The following MTIF2 variants were observed in gnomAD, a reference collection of about 807,000 sequenced individuals.
MTIF2 encodes translation initiation factor IF-2, mitochondrial.
In MTIF2, 71 loss-of-function variants were observed where a neutral mutation model predicts 83.5. The observed-to-expected ratio is 0.85, with a 90% CI of 0.70 to 1.04. The LOEUF is 1.04. Ranked by LOEUF, MTIF2 falls within the 50% of genes least tolerant of loss-of-function variation. The pLI is 0.00. For missense variants in MTIF2, 957 were observed against 846.5 expected, an observed-to-expected ratio of 1.13 and a Z score of -1.62; for synonymous variants, 319 against 287.1, an observed-to-expected ratio of 1.11 and a Z score of -1.12.
intron 7 of MTIF2, among the ~76,000 whole-genome samples, chr2:55,253,597 A>T (rs549177581): frequency 1.3e-5 from 2 of 152,080 alleles, no homozygotes; most frequent in South Asian, 4.2e-4. Context: ...CAGGCGGACC[A>T]CAAGGTCAGG....
chr2:55,244,023 A>G lies in MTIF2; in HGVS notation c.1311+6T>C, dbSNP rs1676515652. 8 of 1,610,782 alleles carry G rather than the reference A, an allele frequency of 5.0e-6. No individual in the cohort carries two copies. Among genetic ancestry groups the G allele is most frequent in the Non-Finnish European group, 6.8e-6 (8 of 1,177,510 alleles). ...ATCTAATATATAGGAATTAAGCTTG[A>G]TACACCTCAGATTCTACTTCAAGAA... On this transcript the variant is annotated splice_donor_region_variant and intron_variant, in intron 11 of 15. Transcript: ENST00000263629.
Position 55,254,055 on chromosome 2 carries a change from A to C in MTIF2, c.650T>G (p.Ile217Ser). 6.2e-7 allele frequency: 1 copy of C among 1,614,112 alleles called. No individual in the cohort carries two copies. The highest frequency in any genetic ancestry group is 2.2e-5 in the East Asian group (1 of 44,886). Residue 217 changes from isoleucine to serine, a missense_variant, in exon 7 of 16, where the codon ATT becomes AGT. Ile to Ser is a moderately radical substitution (Grantham distance 142, BLOSUM62 -2). Transcript: ENST00000263629. ...TGTGTTCATACCAAGAAAGGCACCA[A>C]TGTGCTGAGTGATGCCTCCAGTTTC... ...AVETGGITQH[I>S]GAFLVSLPSG...
intron 2 of MTIF2, among the ~76,000 whole-genome samples, 189 bp downstream of exon 2, chr2:55,268,389 A>T (rs561679665): frequency 3.3e-5 from 5 of 152,284 alleles, no homozygotes; most frequent in Non-Finnish European, 7.4e-5. Flanking sequence ...GTAACACAGG[A>T]TTCCTTGAGA....
At chr2:55,266,372 A>C (rs901661176) in intron 3 of MTIF2, 1 of 151,818 alleles carries the variant, frequency 6.6e-6, no homozygotes, top group African/African-American at 2.4e-5. Flanking sequence ...AAAAATACAA[A>C]AAAATTACCT....
chr2:55,268,969 T>C (rs1283630155), intron 1 of MTIF2, 200 bp downstream of exon 1: 1 of 152,362 alleles, frequency 6.6e-6, no homozygotes, highest in South Asian at 2.1e-4. Context: ...GGCCAGCCGC[T>C]TCCGAGAGAA....
Position 55,237,424 on chromosome 2 carries a change from CTCACCTTTAGGAAGAAG to C in MTIF2, c.1871-13_1874del. ...CAGAGAAGGTAGCTAGTATAGATGCCTCACCTTTAGGAAGAAGAGAACATTAATGTGCAGAAAACTAA... is the reference window on the plus strand; with the variant it reads ...CAGAGAAGGTAGCTAGTATAGATGCCAGAACATTAATGTGCAGAAAACTAA... On this transcript the variant is annotated splice_acceptor_variant and splice_polypyrimidine_tract_variant and coding_sequence_variant and intron_variant, in exon 15 of 16. Coordinates refer to ENST00000263629, the MANE Select transcript of MTIF2 (RefSeq NM_002453.3). LOFTEE classifies it high-confidence loss of function. 1 of 1,605,044 alleles carries C rather than the reference CTCACCTTTAGGAAGAAG, an allele frequency of 6.2e-7. No homozygotes were observed. The highest frequency in any genetic ancestry group is 8.5e-7 in the Non-Finnish European group (1 of 1,177,404).
chr2:55,254,888 T>C, intron 5 of MTIF2, 63 bp from the exon 6 acceptor site: 1 of 1,019,258 alleles, frequency 9.8e-7, no homozygotes, highest in Non-Finnish European at 1.3e-6. Context: ...GTAATCTCTA[T>C]TAATAAATGT....
At chr2:55,267,164 AT>A (rs1046769773) in intron 3 of MTIF2, among the ~76,000 whole-genome samples, 12 of 148,262 alleles carry the variant, frequency 8.1e-5, no homozygotes, top group East Asian at 3.9e-4. Context: ...AATATACTGA[AT>A]TTTTTTTTTT....
intron 10 of MTIF2, among the ~76,000 whole-genome samples, chr2:55,244,936 A>C (rs1676586201): frequency 6.6e-6 from 1 of 151,994 alleles, no homozygotes; most frequent in Non-Finnish European, 1.5e-5. Flanking sequence ...AGTCCCAGCT[A>C]CTCGGGAGGC....
chr2:55,244,994 C>A (rs957052343), intron 10 of MTIF2, among the ~76,000 whole-genome samples: 1 of 151,894 alleles, frequency 6.6e-6, no homozygotes, highest in African/African-American at 2.4e-5. Context: ...TTGCAGTGAG[C>A]CGAGATCACA....
At chr2:55,259,393 G>A (rs766025241) in intron 5 of MTIF2, among the ~76,000 whole-genome samples, 1 of 151,822 alleles carries the variant, frequency 6.6e-6, no homozygotes, top group Non-Finnish European at 1.5e-5. Context: ...TTGGGGTTTA[G>A]AGTACTGCTC....
chr2:55,243,690 T>C (rs1676489729), intron 11 of MTIF2, 22 bp from the exon 12 acceptor site: 2 of 1,604,694 alleles, frequency 1.2e-6, no homozygotes, highest in African/African-American at 2.7e-5. Flanking sequence ...AAAAACGTAT[T>C]ATTTAATGAA....
Position 55,240,084 on chromosome 2 carries a change from A to C in MTIF2, c.1797T>G (p.Ile599Met), listed in dbSNP as rs775945671. The change falls in exon 14 of 16, where the codon ATT becomes ATG. Residue 599 changes from isoleucine to methionine, a missense_variant. Physicochemically the swap from Ile to Met is conservative, Grantham distance 10. Coordinates refer to ENST00000263629, the MANE Select transcript of MTIF2 (RefSeq NM_002453.3). ...KGVKIKLHKI[I>M]YRLVEDLQEE... Reference sequence around the variant, plus strand: ...CTTGCAAATCTTCAACAAGACGGTAAATTATTTTGTGAAGTTTAATTTTTA... The same window carrying C: ...CTTGCAAATCTTCAACAAGACGGTACATTATTTTGTGAAGTTTAATTTTTA... 139 of 1,613,700 alleles carry C rather than the reference A, an allele frequency of 8.6e-5. No homozygotes were observed. Among genetic ancestry groups the C allele is most frequent in the Non-Finnish European group, 1.1e-4 (135 of 1,180,014 alleles).
At chr2:55,254,555 T>C in intron 6 of MTIF2, 99 bp downstream of exon 6, 2 of 1,060,634 alleles carry the variant, frequency 1.9e-6, no homozygotes, top group Non-Finnish European at 2.6e-6. Context: ...CATATCTTTA[T>C]TACAAAAGAA....
At chr2:55,263,603 C>G (rs1390510894) in intron 4 of MTIF2, 37 bp downstream of exon 4, 1 of 1,480,456 alleles carries the variant, frequency 6.8e-7, no homozygotes, top group Non-Finnish European at 9.2e-7. Flanking sequence ...GGGTGAGACT[C>G]CATCTCAAAA....
intron 7 of MTIF2, 25 bp from the exon 8 acceptor site, chr2:55,252,678 A>G (rs983353473): frequency 1.3e-6 from 2 of 1,590,108 alleles, no homozygotes; most frequent in Non-Finnish European, 1.7e-6. Context: ...ATTCAAGAAC[A>G]TCAAGGATTC....
chr2:55,246,483 T>C, intron 9 of MTIF2, 22 bp from the exon 10 acceptor site: 1 of 1,597,614 alleles, frequency 6.3e-7, no homozygotes, highest in Non-Finnish European at 8.6e-7. Context: ...ACAAACGTTG[T>C]TAATACACAT....
intron 3 of MTIF2, among the ~76,000 whole-genome samples, chr2:55,264,952 A>G (rs898926541): frequency 2.0e-5 from 3 of 152,050 alleles, no homozygotes; most frequent in African/African-American, 7.2e-5. Flanking sequence ...TAAAAAGAAC[A>G]TGTTTTCCAG....
At chr2:55,253,211 T>C (rs1573890338) in intron 7 of MTIF2, among the ~76,000 whole-genome samples, 1 of 152,272 alleles carries the variant, frequency 6.6e-6, no homozygotes, top group East Asian at 1.9e-4. Flanking sequence ...AGACAAAACA[T>C]ATAAGGTGCT....
Sources: allele counts gnomAD v4.1 joint callset (sites outside exome capture counted in the v4.1 genomes callset), GRCh38; gene constraint gnomAD v4.1.1; transcripts MANE v1.5; gene names NCBI Gene and HGNC (gene_info 2026-07-23, HGNC 2026-07-21).